The following CSTF3 variants were observed in gnomAD, a reference collection of about 807,000 sequenced individuals.
The protein encoded by CSTF3 is CF-1 77 kDa subunit.
Under a neutral mutation model 105.8 loss-of-function variants are expected in CSTF3, and 29 were observed. The observed-to-expected ratio is 0.27, with a 90% CI of 0.20 to 0.37. The LOEUF (loss-of-function observed/expected upper bound fraction) is 0.37, where lower values mean the gene tolerates loss of function less well. CSTF3 is among the 10% of genes least tolerant of loss of function. The probability of loss-of-function intolerance (pLI) is 1.00; values close to 1 mark genes in which losing one functional copy is unlikely to be tolerated. For synonymous variants in CSTF3, 252 were observed against 281.9 expected, an observed-to-expected ratio of 0.89 and a Z score of 1.06; for missense variants, 357 against 879.3, an observed-to-expected ratio of 0.41 and a Z score of 7.51.
rs536221297 is a variant in CSTF3 at position 33,106,702 on chromosome 11, C to G, written c.357-638G>C. ...TATAAAGTCGTTCTTTGATGTTAAG[C>G]TTGTCAAGATCATAAATTGTTTCCT... is the stretch of plus-strand genomic sequence containing the variant. On this transcript the variant is annotated intron_variant, in intron 5 of 20. Transcript: ENST00000323959. Among the ~76,000 whole-genome samples the G allele has an allele frequency of 2.0e-5, 3 of 152,196 alleles. No homozygotes were observed. In the Middle Eastern group the frequency reaches 0.01, roughly 518 times the overall value.
intron 3 of CSTF3, among the ~76,000 whole-genome samples, chr11:33,113,332 T>A (rs1479372327): frequency 6.6e-6 from 1 of 152,178 alleles, no homozygotes; most frequent in Non-Finnish European, 1.5e-5. Context: ...TAGTGCATCA[T>A]TTTCAATGAC....
intron 3 of CSTF3, among the ~76,000 whole-genome samples, chr11:33,123,378 T>A (rs1454511818): frequency 6.6e-6 from 1 of 152,114 alleles, no homozygotes; most frequent in African/African-American, 2.4e-5. Flanking sequence ...TAAAGAGGAT[T>A]TGGAAAAATG....
intron 3 of CSTF3, among the ~76,000 whole-genome samples, chr11:33,123,452 A>T (rs1252293095): frequency 2.0e-5 from 3 of 152,152 alleles, no homozygotes; most frequent in Non-Finnish European, 4.4e-5. Flanking sequence ...GAACATTAGG[A>T]AATAGAAAAT....
intron 3 of CSTF3, among the ~76,000 whole-genome samples, chr11:33,123,612 C>T (rs1481476915): frequency 6.6e-6 from 1 of 151,888 alleles, no homozygotes; most frequent in Non-Finnish European, 1.5e-5. Context: ...ACTTACATGT[C>T]CTTCAGTAGG....
At chr11:33,153,001 T>C (rs1478150931) in intron 1 of CSTF3, among the ~76,000 whole-genome samples, 1 of 152,040 alleles carries the variant, frequency 6.6e-6, no homozygotes, top group Non-Finnish European at 1.5e-5. Flanking sequence ...AGAGGGATTC[T>C]ATCATTACTC....
chr11:33,105,849 T>C (rs1855320791), intron 7 of CSTF3, 34 bp downstream of exon 7: 1 of 1,543,864 alleles, frequency 6.5e-7, no homozygotes, highest in African/African-American at 1.4e-5. Flanking sequence ...CTAAATCAAC[T>C]GTAGATGTAA....
intron 1 of CSTF3, among the ~76,000 whole-genome samples, chr11:33,145,392 C>T (rs1421357291): frequency 6.6e-6 from 1 of 152,096 alleles, no homozygotes; most frequent in African/African-American, 2.4e-5. Context: ...CACCACTGCA[C>T]TCCAAACTGG....
intron 17 of CSTF3, 136 bp from the exon 18 acceptor site, chr11:33,087,277 C>G: frequency 1.2e-6 from 1 of 847,024 alleles, no homozygotes; most frequent in Non-Finnish European, 1.9e-6. Context: ...TAAGCAAGGA[C>G]TCTAATGATG....
chr11:33,125,893 T>C (rs1253270846), intron 3 of CSTF3, among the ~76,000 whole-genome samples: 1 of 152,224 alleles, frequency 6.6e-6, no homozygotes, highest in East Asian at 1.9e-4. Context: ...TTTGACCTGG[T>C]AATTCCTTAG....
At chr11:33,120,129 AAG>A (rs1285532239) in intron 3 of CSTF3, among the ~76,000 whole-genome samples, 1 of 151,852 alleles carries the variant, frequency 6.6e-6, no homozygotes, top group Admixed American at 6.6e-5. Context: ...GTATTCATGC[AAG>A]AGATTCTTAT....
chr11:33,151,628 T>G (rs763706431), intron 1 of CSTF3, among the ~76,000 whole-genome samples: 12 of 152,246 alleles, frequency 7.9e-5, no homozygotes, highest in Non-Finnish European at 1.8e-4. Context: ...TTTCCAGTTT[T>G]GGCTATTATG....
At chr11:33,085,432 A>G (rs1351629868) in intron 20 of CSTF3, 143 bp from the exon 21 acceptor site, 1 of 732,278 alleles carries the variant, frequency 1.4e-6, no homozygotes, top group Admixed American at 3.5e-5. Context: ...TTAAAGAAAA[A>G]GACAAAAGCT....
In CSTF3 at chr11:33,099,176, C is replaced by A; in HGVS notation, c.937-26G>T. On this transcript the variant is annotated intron_variant, in intron 11 of 20. Transcript: ENST00000323959. The surrounding 1 kb of genome is among the most constrained non-coding windows in gnomAD (Gnocchi z 4.1). The stretch of plus-strand genomic sequence containing the variant: ...CTGGTAGAAAAAAAAGAAAGCTCAT[C>A]TTCAATAATTTTAATATAGTTGTGA... The A allele has an allele frequency of 1.3e-6, 2 of 1,566,358 alleles. No homozygotes were observed. The highest frequency in any genetic ancestry group is 1.7e-6 in the Non-Finnish European group (2 of 1,166,754).
At chr11:33,145,649 TA>T (rs1160132596) in intron 1 of CSTF3, among the ~76,000 whole-genome samples, 4 of 151,286 alleles carry the variant, frequency 2.6e-5, no homozygotes, top group Admixed American at 6.6e-5. Context: ...CCATCTCCAC[TA>T]AAAAACACAA....
intron 3 of CSTF3, among the ~76,000 whole-genome samples, chr11:33,120,291 A>T (rs1855473496): frequency 1.3e-5 from 2 of 151,946 alleles, no homozygotes; most frequent in Admixed American, 6.6e-5. Context: ...AGCTACAAAA[A>T]GTTAAGGTTT....
chr11:33,126,250 G>A (rs1379140469), intron 3 of CSTF3, among the ~76,000 whole-genome samples: 4 of 152,008 alleles, frequency 2.6e-5, no homozygotes, highest in African/African-American at 7.2e-5. Flanking sequence ...GCTTGAGCCC[G>A]AGTTCAAGAC....
chr11:33,109,624 C>T (rs554095809), intron 3 of CSTF3, among the ~76,000 whole-genome samples: 36 of 152,260 alleles, frequency 2.4e-4, no homozygotes, highest in African/African-American at 7.7e-4. Context: ...CAGGGCTATT[C>T]TGAGGACTCA....
At chr11:33,152,565 A>C (rs1182325746) in intron 1 of CSTF3, among the ~76,000 whole-genome samples, 3 of 152,246 alleles carry the variant, frequency 2.0e-5, no homozygotes, top group Non-Finnish European at 4.4e-5. Flanking sequence ...GAAGCTAACT[A>C]ACTCAGAGAA....
chr11:33,124,161 C>T (rs1855521448), intron 3 of CSTF3, among the ~76,000 whole-genome samples: 2 of 151,910 alleles, frequency 1.3e-5, no homozygotes, highest in Non-Finnish European at 2.9e-5. Context: ...CCTTTGCAGC[C>T]TCTAAACATA....
Sources: gnomAD v4.1 joint callset for allele counts (sites outside exome capture counted in the v4.1 genomes callset) on GRCh38, gnomAD v4.1.1 for gene constraint, Gnocchi (gnomAD v3.1) non-coding constraint, MANE v1.5 for transcripts, NCBI Gene and HGNC (gene_info 2026-07-23, HGNC 2026-07-21) for gene names.